Variants in SLC25A21 observed in about 807,000 individuals in gnomAD.
SLC25A21 encodes solute carrier family 25 member 21.
In SLC25A21, 47 loss-of-function variants were observed where a neutral mutation model predicts 43.8. That is an observed-to-expected ratio of 1.07 (90% confidence interval 0.85 to 1.37). SLC25A21 has a LOEUF of 1.37. Ranked by LOEUF, SLC25A21 falls within the 40% of genes most tolerant of loss-of-function variation. The pLI, the probability that SLC25A21 is intolerant of heterozygous loss-of-function variation, is 0.00. For synonymous variants in SLC25A21, 131 were observed against 121.3 expected (o/e 1.08, Z -0.52); for missense variants, 352 against 350.2 (o/e 1.00, Z -0.04).
chr14:36,812,511 T>C (rs1888306544), intron 3 of SLC25A21, among the ~76,000 whole-genome samples: 1 of 150,490 alleles, frequency 6.6e-6, no homozygotes, highest in Non-Finnish European at 1.5e-5. Flanking sequence ...AATATATAGA[T>C]ACACACAAAT....
chr14:37,133,529 G>A (rs1963427255), intron 1 of SLC25A21, among the ~76,000 whole-genome samples: 1 of 151,266 alleles, frequency 6.6e-6, no homozygotes, highest in South Asian at 2.1e-4. Flanking sequence ...ACAACCTTCC[G>A]ACTAGTCCCC....
At chr14:36,722,221 T>C (rs1258689534) in intron 6 of SLC25A21, among the ~76,000 whole-genome samples, 1 of 152,066 alleles carries the variant, frequency 6.6e-6, no homozygotes, top group Non-Finnish European at 1.5e-5. Flanking sequence ...AATTACACAC[T>C]GAAATGAGAA....
rs1160978518 is a variant in SLC25A21, at chr14:36,679,997, C to CTATTTAT, written c.*654_*660dup. ...TGTTTTAAACAATGTTTTAAAATACCTATTTATTATCTTACAGCAATATGA... is the reference window on the plus strand; with the variant it reads ...TGTTTTAAACAATGTTTTAAAATACCTATTTATTATTTATTATCTTACAGCAATATGA... On this transcript the variant is annotated 3_prime_UTR_variant, in exon 10 of 10. Coordinates refer to ENST00000331299, the MANE Select transcript of SLC25A21 (RefSeq NM_030631.4). 5 of 816,620 alleles carry CTATTTAT rather than the reference C, an allele frequency of 6.1e-6. No individual in the cohort carries two copies. Among genetic ancestry groups the CTATTTAT allele is most frequent in the Non-Finnish European group, 5.7e-6 (4 of 703,362 alleles). 50.6% of individuals were successfully genotyped at this position (816,620 alleles called of 1,614,324 possible).
intron 1 of SLC25A21, among the ~76,000 whole-genome samples, chr14:37,007,600 A>AATAAT (rs1960634011): frequency 2.0e-5 from 3 of 148,046 alleles, no homozygotes; most frequent in African/African-American, 7.6e-5. Context: ...TCCCTCTCAA[A>AATAAT]AATAATAATA....
Position 36,898,112 on chromosome 14 carries a change from A to G in SLC25A21, c.71-23108T>C, listed in dbSNP as rs536681291. On this transcript the variant is annotated intron_variant, in intron 1 of 9. Transcript: ENST00000331299. ...AGAGGATTCTGCTGCATTTTGTTTC[A>G]CTATGCCCTGCCCCTAGAGGTGGAG... Among the ~76,000 whole-genome samples, 485 of 152,132 alleles carry G rather than the reference A, an allele frequency of 3.2e-3. 4 individuals carry two copies. The highest frequency in any genetic ancestry group is 0.011 in the African/African-American group (455 of 41,482).
At chr14:36,961,503 A>G (rs1290016707) in intron 1 of SLC25A21, among the ~76,000 whole-genome samples, 1 of 152,168 alleles carries the variant, frequency 6.6e-6, no homozygotes, top group Non-Finnish European at 1.5e-5. Flanking sequence ...ACTATTATAC[A>G]AGACCTGGAA....
Position 36,678,197 on chromosome 14 carries a change from G to A in SLC25A21, c.*2461C>T, listed in dbSNP as rs1159215975. On this transcript the variant is annotated 3_prime_UTR_variant, in exon 10 of 10. Transcript: ENST00000331299. ...TCCACCACATCGGTTTCGTGGCTTC[G>A]TTTAAAACTCAGATGGCTAGATTAG... is the stretch of plus-strand genomic sequence containing the variant. The A allele has an allele frequency of 2.1e-6, 1 of 469,796 alleles. No homozygotes were observed. Among genetic ancestry groups the A allele is most frequent in the Non-Finnish European group, 3.8e-6 (1 of 260,930 alleles). 29.1% of individuals were successfully genotyped at this position (469,796 alleles called of 1,614,324 possible). A position where few individuals can be genotyped will look rare whatever the true frequency, so the allele number is the denominator to read the frequency against.
chr14:36,816,418 T>G (rs540633747), intron 2 of SLC25A21, among the ~76,000 whole-genome samples: 1 of 151,730 alleles, frequency 6.6e-6, no homozygotes, highest in African/African-American at 2.4e-5. Flanking sequence ...GTGACAGGAA[T>G]ACAACGAAAG....
Position 36,957,941 on chromosome 14 carries a change from C to T in SLC25A21, c.71-82937G>A, listed in dbSNP as rs529511861. On this transcript the variant is annotated intron_variant, in intron 1 of 9. Transcript: ENST00000331299. Reference sequence around the variant, plus strand: ...TCTCCTGGGTAACTCTAGGCAAAAGCCTAATCTTTCCAATGGAAATGATAA... The same window carrying T: ...TCTCCTGGGTAACTCTAGGCAAAAGTCTAATCTTTCCAATGGAAATGATAA... 9.2e-5 allele frequency among the ~76,000 whole-genome samples: 14 copies of T among 152,290 alleles called. No homozygotes were observed. In the South Asian group the frequency reaches 2.7e-3, roughly 29 times the overall value.
At position 36,952,697 on chromosome 14, in the gene SLC25A21, T is replaced by C. The variant is rs1358623137; in HGVS notation, c.71-77693A>G. 3.3e-5 allele frequency among the ~76,000 whole-genome samples: 5 copies of C among 152,108 alleles called. No homozygotes were observed. The East Asian group carries it at 9.6e-4, about 29-fold the overall frequency. ...CTTGGGAATGCCATGATAAAATAAC[T>C]AAGGGTAAAAACAAGACAAAACAAA... On this transcript the variant is annotated intron_variant, in intron 1 of 9. Coordinates refer to ENST00000331299, the MANE Select transcript of SLC25A21 (RefSeq NM_030631.4).
intron 1 of SLC25A21, among the ~76,000 whole-genome samples, chr14:36,937,857 T>C (rs1892462596): frequency 6.6e-6 from 1 of 152,118 alleles, no homozygotes; most frequent in South Asian, 2.1e-4. Flanking sequence ...TGTGTTTCCA[T>C]TATTGTTTGA....
intron 1 of SLC25A21, among the ~76,000 whole-genome samples, chr14:37,063,271 G>C (rs1358316303): frequency 6.6e-6 from 1 of 152,068 alleles, no homozygotes; most frequent in Non-Finnish European, 1.5e-5. Context: ...AGGCCGAGAT[G>C]GGTGGATCAC....
At chr14:36,789,551 T>C (rs1887370156) in intron 3 of SLC25A21, among the ~76,000 whole-genome samples, 1 of 150,964 alleles carries the variant, frequency 6.6e-6, no homozygotes, top group Admixed American at 6.7e-5. Flanking sequence ...CCTATGCCTA[T>C]CTTTTAGCAC....
At chr14:37,074,802 A>G (rs1331430629) in intron 1 of SLC25A21, among the ~76,000 whole-genome samples, 1 of 152,132 alleles carries the variant, frequency 6.6e-6, no homozygotes, top group Non-Finnish European at 1.5e-5. Context: ...AGCCTGAGTG[A>G]CAGAGTGAGA....
intron 1 of SLC25A21, among the ~76,000 whole-genome samples, chr14:36,953,965 G>A (rs1244255814): frequency 1.3e-5 from 2 of 152,172 alleles, no homozygotes; most frequent in Non-Finnish European, 2.9e-5. Context: ...GGAATAATTA[G>A]TTTTTTCAAT....
chr14:36,715,819 C>A (rs946453687), intron 6 of SLC25A21, among the ~76,000 whole-genome samples: 4 of 152,188 alleles, frequency 2.6e-5, no homozygotes, highest in African/African-American at 9.7e-5. Flanking sequence ...CTTGGCTGGG[C>A]ACAGCAGCTC....
intron 7 of SLC25A21, among the ~76,000 whole-genome samples, chr14:36,688,774 A>G (rs748772332): frequency 4.6e-5 from 7 of 152,394 alleles, no homozygotes; most frequent in Admixed American, 2.0e-4. Flanking sequence ...TGCTAAGTGC[A>G]AATGTCTAAG....
intron 1 of SLC25A21, among the ~76,000 whole-genome samples, chr14:37,099,627 G>A (rs1962778534): frequency 6.6e-6 from 1 of 152,042 alleles, no homozygotes; most frequent in Non-Finnish European, 1.5e-5. Context: ...GTAAGAAAGT[G>A]TTTGTTCTAA....
intron 1 of SLC25A21, among the ~76,000 whole-genome samples, chr14:36,912,595 A>C (rs1439298149): frequency 2.2e-4 from 34 of 152,240 alleles, no homozygotes; most frequent in Admixed American, 2.2e-3. Context: ...CAACTGATAG[A>C]GTACAATTTT....
Sources: allele counts gnomAD v4.1 joint callset (sites outside exome capture counted in the v4.1 genomes callset), GRCh38; gene constraint gnomAD v4.1.1; transcripts MANE v1.5; gene names NCBI Gene and HGNC (gene_info 2026-07-23, HGNC 2026-07-21).